Variants in VAV3 observed in about 807,000 individuals in gnomAD.
The protein encoded by VAV3 is vav guanine nucleotide exchange factor 3, also known as guanine nucleotide exchange factor VAV3.
In VAV3, 94 loss-of-function variants were observed where a neutral mutation model predicts 131.2. The ratio of observed to expected loss-of-function variants is 0.72; its 90% CI spans 0.61 to 0.85. The LOEUF is 0.85. Ranked by LOEUF, VAV3 falls within the 40% of genes least tolerant of loss-of-function variation. The pLI, the probability that VAV3 is intolerant of heterozygous loss-of-function variation, is 0.00. For synonymous variants in VAV3, 349 were observed against 342.0 expected (o/e 1.02, Z -0.22); for missense variants, 939 against 1,002.7 (o/e 0.94, Z 0.86).
At chr1:107,896,927 A>G (rs1376930366) in intron 1 of VAV3, among the ~76,000 whole-genome samples, 1 of 152,182 alleles carries the variant, frequency 6.6e-6, no homozygotes, top group Non-Finnish European at 1.5e-5. Context: ...GCCCCTCTCC[A>G]GAAATAGACA....
At chr1:107,586,093 T>C (rs1650465295) in intron 25 of VAV3, among the ~76,000 whole-genome samples, 1 of 150,996 alleles carries the variant, frequency 6.6e-6, no homozygotes, top group Admixed American at 6.6e-5. Flanking sequence ...CAGTTAAAAA[T>C]TGTAAGCCAT....
chr1:107,573,033 C>T lies in VAV3; in HGVS notation c.*298G>A, dbSNP rs188091969. ...TGACCAGAAGAAGTAAAGGGAAGCA[C>T]GAACCAATGTGTTTGCAGGGCTCTT... On this transcript the variant is annotated 3_prime_UTR_variant, in exon 27 of 27. Coordinates refer to ENST00000370056, the MANE Select transcript of VAV3 (RefSeq NM_006113.5). 10 of 380,792 alleles carry T rather than the reference C, an allele frequency of 2.6e-5. No individual in the cohort carries two copies. The highest frequency in any genetic ancestry group is 8.8e-5 in the Admixed American group (2 of 22,726). The allele number at this position is 380,792 out of a possible 1,614,324, so 23.6% of individuals were successfully genotyped here. A position where few individuals can be genotyped will look rare whatever the true frequency, so the allele number is the denominator to read the frequency against.
chr1:107,588,783 T>C (rs1056181826), intron 25 of VAV3, among the ~76,000 whole-genome samples: 1 of 152,224 alleles, frequency 6.6e-6, no homozygotes, highest in Non-Finnish European at 1.5e-5. Flanking sequence ...GATCTGATAT[T>C]TGTAAAAGGG....
chr1:107,765,420 C>A (rs990532914), intron 8 of VAV3, among the ~76,000 whole-genome samples: 2 of 152,094 alleles, frequency 1.3e-5, no homozygotes, highest in African/African-American at 4.8e-5. Flanking sequence ...TTATAGCAGG[C>A]AGAATTTACA....
intron 2 of VAV3, among the ~76,000 whole-genome samples, chr1:107,863,769 G>C (rs1669855281): frequency 6.6e-6 from 1 of 152,286 alleles, no homozygotes; most frequent in East Asian, 1.9e-4. Flanking sequence ...CTACCCGAAA[G>C]ATTCACTGTT....
intron 15 of VAV3, among the ~76,000 whole-genome samples, chr1:107,735,387 A>C (rs1662548053): frequency 6.6e-6 from 1 of 152,232 alleles, no homozygotes; most frequent in African/African-American, 2.4e-5. Flanking sequence ...TAGAGACACA[A>C]AAAACCCTTC....
At chr1:107,878,975 A>C (rs1207322940) in intron 1 of VAV3, among the ~76,000 whole-genome samples, 1 of 152,142 alleles carries the variant, frequency 6.6e-6, no homozygotes, top group Admixed American at 6.6e-5. Context: ...AAACAGAAAA[A>C]AAGCTTCCCC....
chr1:107,623,936 T>A (rs1653796282), intron 20 of VAV3, among the ~76,000 whole-genome samples: 1 of 152,204 alleles, frequency 6.6e-6, no homozygotes, highest in African/African-American at 2.4e-5. Flanking sequence ...AAGAAACTCA[T>A]ACCTTGGTCT....
At chr1:107,891,938 C>T (rs965727949) in intron 1 of VAV3, among the ~76,000 whole-genome samples, 1 of 151,246 alleles carries the variant, frequency 6.6e-6, no homozygotes, top group South Asian at 2.1e-4. Context: ...GGTAACCTAT[C>T]CCTTTAAACT....
intron 1 of VAV3, among the ~76,000 whole-genome samples, chr1:107,899,268 CAT>C (rs1457459309): frequency 1.3e-5 from 2 of 152,054 alleles, no homozygotes; most frequent in African/African-American, 2.4e-5. Context: ...AGGGCACAGT[CAT>C]AGAGATATAT....
intron 2 of VAV3, among the ~76,000 whole-genome samples, chr1:107,840,976 G>A (rs1668679361): frequency 6.6e-6 from 1 of 152,056 alleles, no homozygotes; most frequent in African/African-American, 2.4e-5. Context: ...AAGGCTGGAG[G>A]CAGTGAGACC....
At chr1:107,737,364 TTAAAC>T (rs1292162049) in intron 15 of VAV3, among the ~76,000 whole-genome samples, 5 of 152,100 alleles carry the variant, frequency 3.3e-5, no homozygotes, top group African/African-American at 9.7e-5. Flanking sequence ...TGGGATCCAA[TTAAAC>T]TAAAGAGCTT....
chr1:107,654,264 A>G (rs1455960690), intron 19 of VAV3, among the ~76,000 whole-genome samples: 5 of 152,056 alleles, frequency 3.3e-5, no homozygotes, highest in African/African-American at 1.2e-4. Context: ...AAAAGAAATC[A>G]GACTCAAAAT....
intron 17 of VAV3, among the ~76,000 whole-genome samples, chr1:107,703,322 G>A (rs372612339): frequency 6.6e-6 from 1 of 152,044 alleles, no homozygotes; most frequent in South Asian, 2.1e-4. Context: ...CTGACTTTCC[G>A]ACAGAAGTAA....
chr1:107,890,852 G>A (rs1671276742), intron 1 of VAV3, among the ~76,000 whole-genome samples: 1 of 152,196 alleles, frequency 6.6e-6, no homozygotes, highest in South Asian at 2.1e-4. Flanking sequence ...AATAGACTGT[G>A]CTAGATCATT....
chr1:107,657,481 A>G (rs986041567), intron 19 of VAV3, among the ~76,000 whole-genome samples: 3 of 152,222 alleles, frequency 2.0e-5, no homozygotes, highest in Non-Finnish European at 2.9e-5. Flanking sequence ...TGAGCACTAT[A>G]GAAAAGGACG....
intron 25 of VAV3, among the ~76,000 whole-genome samples, chr1:107,590,845 T>C (rs147424304): frequency 7.2e-5 from 11 of 152,272 alleles, no homozygotes; most frequent in Non-Finnish European, 1.5e-4. Context: ...CTTATCCCTC[T>C]CACGGACATC....
chr1:107,573,767 G>A (rs1466547169), intron 26 of VAV3, among the ~76,000 whole-genome samples: 4 of 152,124 alleles, frequency 2.6e-5, no homozygotes, highest in Non-Finnish European at 4.4e-5. Flanking sequence ...ATGGCTCAGG[G>A]TCTAAAAAGA....
chr1:107,728,536 A>T (rs1661993047), intron 15 of VAV3, among the ~76,000 whole-genome samples: 1 of 151,264 alleles, frequency 6.6e-6, no homozygotes, highest in Non-Finnish European at 1.5e-5. Context: ...CCAATCGGGG[A>T]TTCTTTCTAT....
Sources: allele counts gnomAD v4.1 joint callset (sites outside exome capture counted in the v4.1 genomes callset), GRCh38; gene constraint gnomAD v4.1.1; transcripts MANE v1.5; gene names NCBI Gene and HGNC (gene_info 2026-07-23, HGNC 2026-07-21).